The following HECTD3 variants were observed in gnomAD, a reference collection of about 807,000 sequenced individuals.
HECTD3 encodes the protein E3 ubiquitin-protein ligase HECTD3.
In HECTD3, 72 loss-of-function variants were observed where a neutral mutation model predicts 109.3. That is an observed-to-expected ratio of 0.66 (90% CI 0.54 to 0.80). HECTD3 has a LOEUF of 0.80. HECTD3 is among the 30% of genes least tolerant of loss of function. The pLI is 0.00. For synonymous variants in HECTD3, 481 were observed against 471.8 expected (o/e 1.02, Z -0.25); for missense variants, 1,041 against 1,165.2 (o/e 0.89, Z 1.55).
At chr1:45,008,075 TC>T (rs1644751875) in intron 9 of HECTD3, among the ~76,000 whole-genome samples, 164 bp downstream of exon 9, 2 of 152,234 alleles carry the variant, frequency 1.3e-5, no homozygotes, top group South Asian at 4.1e-4. Flanking sequence ...GGGAACAGCC[TC>T]CCAAACACTA....
chr1:45,008,372 C>T (rs2148978131), intron 8 of HECTD3, 51 bp from the exon 9 acceptor site: 2 of 1,523,266 alleles, frequency 1.3e-6, no homozygotes, highest in Non-Finnish European at 9.1e-7. Context: ...ACCTGTAACA[C>T]CCCCAACTCC....
intron 7 of HECTD3, 60 bp downstream of exon 7, chr1:45,009,080 ACTCT>A: frequency 8.0e-7 from 1 of 1,255,726 alleles, no homozygotes; most frequent in South Asian, 1.2e-5. Context: ...CTCCACACAC[ACTCT>A]CTGTTTGCCC....
chr1:45,008,343 CA>C (rs1557729226), intron 8 of HECTD3, 22 bp from the exon 9 acceptor site: 1 of 1,599,862 alleles, frequency 6.3e-7, no homozygotes. Flanking sequence ...AGATAGACTG[CA>C]GCTAAAGAGT....
intron 14 of HECTD3, 24 bp downstream of exon 14, chr1:45,005,973 G>T: frequency 6.2e-6 from 10 of 1,611,952 alleles, no homozygotes; most frequent in Non-Finnish European, 8.5e-6. Flanking sequence ...CTGATCGGAC[G>T]GGGGTGTGGA....
chr1:45,010,853 G>A (rs540404429), intron 1 of HECTD3, 36 bp downstream of exon 1: 8 of 1,507,120 alleles, frequency 5.3e-6, no homozygotes, highest in Admixed American at 2.3e-5. Context: ...TGGCCCCAGG[G>A]GTCTTTTACC....
chr1:45,004,543 G>A, intron 16 of HECTD3, 57 bp downstream of exon 16: 1 of 1,604,280 alleles, frequency 6.2e-7, no homozygotes, highest in Non-Finnish European at 8.5e-7. Context: ...CTGGGTCCCA[G>A]GAGCTGGGGC....
At position 45,010,612 on chromosome 1, in the gene HECTD3, A is replaced by G; in HGVS notation, c.464T>C (p.Ile155Thr). 4 of 1,612,900 alleles carry G rather than the reference A, an allele frequency of 2.5e-6. No homozygotes were observed. Among genetic ancestry groups the G allele is most frequent in the Non-Finnish European group, 3.4e-6 (4 of 1,179,898 alleles). The change falls in exon 2 of 21, where the codon ATC becomes ACC. Residue 155 changes from isoleucine to threonine, a missense_variant. Physicochemically the swap from Ile to Thr is moderately conservative, Grantham distance 89. Around this residue, in one of 2 missense-constraint regions of HECTD3, gnomAD observed 472 missense variants for 449.9 expected, o/e 1.05. Coordinates refer to ENST00000372172, the MANE Select transcript of HECTD3 (RefSeq NM_024602.6). ...CCGCTGGAGGTGGTTGGGAGTGTCGATGGGTACCAGGCGGGCTCCGCCCTC... is the reference window on the plus strand; with the variant it reads ...CCGCTGGAGGTGGTTGGGAGTGTCGGTGGGTACCAGGCGGGCTCCGCCCTC... ...PAEGGARLVP[I>T]DTPNHLQRQQ...
At position 45,004,687 on chromosome 1, in the gene HECTD3, C is replaced by G; in HGVS notation, c.2055G>C (p.Gly685=). Residue 685 remains glycine, a synonymous_variant, in exon 16 of 21, where the codon GGG becomes GGC. Coordinates refer to ENST00000372172, the MANE Select transcript of HECTD3 (RefSeq NM_024602.6). ...CATATCCCACGACGATGCCTGCACC[C>G]CCAGGGATCAGCTCCACCACCTGTT... is the stretch of plus-strand genomic sequence containing the variant. ...SDQQVVELIP[G]GAGIVVGYGD... 1 of 1,614,196 alleles carries G rather than the reference C, an allele frequency of 6.2e-7. No individual in the cohort carries two copies. The highest frequency in any genetic ancestry group is 1.3e-5 in the African/African-American group (1 of 75,032).
Position 45,009,175 on chromosome 1 carries a change from C to G in HECTD3, c.1041G>C (p.Pro347=), listed in dbSNP as rs1417150991. ...ACTCCACGATGCGGATCTCGATGATCGGGAGGTGGACGGTCATGTCCTCCA... is the reference window on the plus strand; with the variant it reads ...ACTCCACGATGCGGATCTCGATGATGGGGAGGTGGACGGTCATGTCCTCCA... ...CVLEDMTVHL[P]IIEIRIVECR... is the part of the protein sequence containing the mutation. Residue 347 remains proline, a synonymous_variant, in exon 7 of 21, where the codon CCG becomes CCC. Coordinates refer to ENST00000372172, the MANE Select transcript of HECTD3 (RefSeq NM_024602.6). 1 of 1,613,952 alleles carries G rather than the reference C, an allele frequency of 6.2e-7. No homozygotes were observed. The highest frequency in any genetic ancestry group is 8.5e-7 in the Non-Finnish European group (1 of 1,179,966).
chr1:45,008,782 C>A, intron 7 of HECTD3, 81 bp from the exon 8 acceptor site: 1 of 1,378,850 alleles, frequency 7.3e-7, no homozygotes. Context: ...GCTCCTTGAA[C>A]GCTCAGCCTT....
Sources: allele counts gnomAD v4.1 joint callset (sites outside exome capture counted in the v4.1 genomes callset), GRCh38; gene constraint gnomAD v4.1.1; regional missense constraint gnomAD v4.1.1; transcripts MANE v1.5; gene names NCBI Gene and HGNC (gene_info 2026-07-23, HGNC 2026-07-21).